Variants in BBX observed in about 807,000 individuals in gnomAD.
BBX encodes BBX high mobility group box domain containing.
In BBX, 30 loss-of-function variants were observed where a neutral mutation model predicts 100.2. The observed-to-expected ratio is 0.30, with a 90% confidence interval of 0.22 to 0.41. The LOEUF is 0.41. BBX is among the 10% of genes least tolerant of loss of function. The pLI is 1.00. For synonymous variants in BBX, 376 were observed against 388.1 expected, an observed-to-expected ratio of 0.97 and a Z score of 0.37; for missense variants, 1,023 against 1,129.8, an observed-to-expected ratio of 0.91 and a Z score of 1.35.
chr3:107,791,827 C>T (rs1188994541), intron 15 of BBX, among the ~76,000 whole-genome samples: 1 of 152,106 alleles, frequency 6.6e-6, no homozygotes, highest in Non-Finnish European at 1.5e-5. Context: ...ATGGTGAAAC[C>T]CCGTCTGTAC....
At chr3:107,699,396 C>T (rs2060888984) in intron 3 of BBX, among the ~76,000 whole-genome samples, 1 of 151,782 alleles carries the variant, frequency 6.6e-6, no homozygotes, top group Non-Finnish European at 1.5e-5. Context: ...GCTGTAAAGG[C>T]AAGCTGGACT....
chr3:107,718,209 T>C (rs1474669126), intron 5 of BBX, among the ~76,000 whole-genome samples: 2 of 147,890 alleles, frequency 1.4e-5, no homozygotes, highest in Admixed American at 1.4e-4. Context: ...TTTATAATTA[T>C]ATTAGTATAA....
chr3:107,753,052 A>C (rs1020872559), intron 9 of BBX, among the ~76,000 whole-genome samples: 1 of 152,178 alleles, frequency 6.6e-6, no homozygotes, highest in Non-Finnish European at 1.5e-5. Context: ...AAGACAAAAC[A>C]CTGAGGAAAA....
At chr3:107,696,936 A>G (rs1425966892) in intron 3 of BBX, among the ~76,000 whole-genome samples, 2 of 151,202 alleles carry the variant, frequency 1.3e-5, no homozygotes, top group Admixed American at 1.3e-4. Flanking sequence ...TTCTTGCTTC[A>G]TTTCATTCAT....
At position 107,738,716 on chromosome 3, in the gene BBX, C is replaced by A. The variant is rs553080764; in HGVS notation, c.669+5693C>A. ...TAGCTCTGGCCACTTCTCCTGTGTC[C>A]TGTGTCCTGTGTCCTGTGCTGCACC... On this transcript the variant is annotated intron_variant, in intron 7 of 17. Transcript: ENST00000325805. 2.7e-3 allele frequency among the ~76,000 whole-genome samples: 414 copies of A among 152,266 alleles called. 1 individual carries two copies. The highest frequency in any genetic ancestry group is 4.5e-3 in the Non-Finnish European group (306 of 68,000).
intron 2 of BBX, among the ~76,000 whole-genome samples, chr3:107,579,169 G>T (rs2052063531): frequency 6.6e-6 from 1 of 152,070 alleles, no homozygotes; most frequent in Non-Finnish European, 1.5e-5. Context: ...TTTTAAGATA[G>T]GCTTTATTGT....
In BBX at chr3:107,755,567, A is replaced by G. The variant is rs1194674362; in HGVS notation, c.826-31A>G. ...AGCAAAGATTCTGGTATCACAACTA[A>G]TATTCCCTATTTGGATTGTCTTTAA... On this transcript the variant is annotated intron_variant, in intron 9 of 17. Coordinates refer to ENST00000325805, the MANE Select transcript of BBX (RefSeq NM_001142568.3). 3 of 1,585,120 alleles carry G rather than the reference A, an allele frequency of 1.9e-6. No homozygotes were observed. In the Admixed American group the frequency reaches 5.0e-5, roughly 26 times the overall value.
At chr3:107,740,871 C>G (rs114817984) in intron 7 of BBX, among the ~76,000 whole-genome samples, 1 of 150,994 alleles carries the variant, frequency 6.6e-6, no homozygotes, top group Non-Finnish European at 1.5e-5. Context: ...TATGCACTTA[C>G]ATTTTTGTAT....
At chr3:107,631,961 T>C (rs1559895934) in intron 2 of BBX, among the ~76,000 whole-genome samples, 1 of 152,146 alleles carries the variant, frequency 6.6e-6, no homozygotes, top group Non-Finnish European at 1.5e-5. Flanking sequence ...TTGAAAATGG[T>C]TTTCAGAATT....
chr3:107,769,175 TA>T (rs2066651859), intron 10 of BBX, among the ~76,000 whole-genome samples: 2 of 55,830 alleles, frequency 3.6e-5, no homozygotes, highest in Admixed American at 1.8e-4. Flanking sequence ...CATTCATAGA[TA>T]GATAGATAGA....
chr3:107,730,224 A>G (rs571233266), intron 6 of BBX, among the ~76,000 whole-genome samples: 118 of 152,350 alleles, frequency 7.7e-4, no homozygotes, highest in African/African-American at 2.6e-3. Flanking sequence ...AGAATCAGAC[A>G]TAGTTATTTG....
intron 3 of BBX, chr3:107,684,854 T>G (rs2059759685): frequency 6.6e-6 from 1 of 152,226 alleles, no homozygotes; most frequent in Non-Finnish European, 1.5e-5. Flanking sequence ...GATAGGCCAC[T>G]TCCTGCCTTT....
intron 3 of BBX, among the ~76,000 whole-genome samples, chr3:107,681,729 A>G (rs1034859635): frequency 2.0e-5 from 3 of 152,156 alleles, no homozygotes; most frequent in Non-Finnish European, 2.9e-5. Flanking sequence ...CTGAGAGAAT[A>G]AAGTAGAATT....
chr3:107,573,870 G>A (rs1303173897), intron 2 of BBX, among the ~76,000 whole-genome samples: 2 of 152,116 alleles, frequency 1.3e-5, no homozygotes. Context: ...GGGATTACAG[G>A]CATGTGACAC....
intron 2 of BBX, among the ~76,000 whole-genome samples, chr3:107,622,913 C>T (rs1286580999): frequency 6.6e-6 from 1 of 152,178 alleles, no homozygotes; most frequent in Non-Finnish European, 1.5e-5. Flanking sequence ...AAAGTCTTTT[C>T]AGTGTTATTT....
At chr3:107,749,498 T>C (rs1168064277) in intron 9 of BBX, among the ~76,000 whole-genome samples, 1 of 152,242 alleles carries the variant, frequency 6.6e-6, no homozygotes, top group African/African-American at 2.4e-5. Flanking sequence ...GCGGCTCATC[T>C]TTGACACACC....
At chr3:107,763,710 A>G (rs74325311) in intron 10 of BBX, among the ~76,000 whole-genome samples, 3,517 of 152,304 alleles carry the variant, frequency 0.023, 122 homozygotes, top group African/African-American at 0.077. Context: ...AACTTTTTAT[A>G]CATGGTCTAA....
rs2071238131 is a variant in BBX, at chr3:107,810,337, G to A, written c.*4880G>A. 1 of 152,018 alleles carries A rather than the reference G, an allele frequency of 6.6e-6. No individual in the cohort carries two copies. The highest frequency in any genetic ancestry group is 6.6e-5 in the Admixed American group (1 of 15,258). 9.4% of individuals were successfully genotyped at this position (152,018 alleles called of 1,614,324 possible). A position where few individuals can be genotyped will look rare whatever the true frequency, so the allele number is the denominator to read the frequency against. On this transcript the variant is annotated 3_prime_UTR_variant, in exon 18 of 18. Coordinates refer to ENST00000325805, the MANE Select transcript of BBX (RefSeq NM_001142568.3). ...ATATGGCTGCTGTTTTCTTTTTGCA[G>A]TCAGTGGTCAAAACTGATCATGTGC...
chr3:107,632,877 A>G (rs1480332561), intron 2 of BBX, among the ~76,000 whole-genome samples: 3 of 152,188 alleles, frequency 2.0e-5, no homozygotes, highest in Non-Finnish European at 4.4e-5. Context: ...CCCTTGTTAA[A>G]TGATTCTGAC....
Sources: gnomAD v4.1 joint callset for allele counts (sites outside exome capture counted in the v4.1 genomes callset) on GRCh38, gnomAD v4.1.1 for gene constraint, MANE v1.5 for transcripts, NCBI Gene and HGNC (gene_info 2026-07-23, HGNC 2026-07-21) for gene names.